Variants in MAP3K2 observed in about 807,000 individuals in gnomAD.
MAP3K2 encodes MAP/ERK kinase kinase 2.
In MAP3K2, 24 loss-of-function variants were observed where a neutral mutation model predicts 80.3. The observed-to-expected ratio is 0.30, with a 90% CI of 0.22 to 0.42. The LOEUF (loss-of-function observed/expected upper bound fraction) is 0.42, where lower values mean the gene tolerates loss of function less well. Ranked by LOEUF, MAP3K2 falls within the 10% of genes least tolerant of loss-of-function variation. The pLI, the probability that MAP3K2 is intolerant of heterozygous loss-of-function variation, is 1.00. For missense variants in MAP3K2, 608 were observed against 750.1 expected, an observed-to-expected ratio of 0.81 and a Z score of 2.21; for synonymous variants, 244 against 253.7, an observed-to-expected ratio of 0.96 and a Z score of 0.36.
At chr2:127,369,495 A>C (rs1006345388) in intron 1 of MAP3K2, among the ~76,000 whole-genome samples, 1 of 125,912 alleles carries the variant, frequency 7.9e-6, no homozygotes, top group African/African-American at 2.8e-5. Context: ...AAAAAAAAAA[A>C]CAGCAAATAA....
At chr2:127,348,366 C>T (rs1686634472) in intron 1 of MAP3K2, among the ~76,000 whole-genome samples, 1 of 152,062 alleles carries the variant, frequency 6.6e-6, no homozygotes, top group Non-Finnish European at 1.5e-5. Context: ...CCAGCCTGGA[C>T]AACAGAGTGA....
Position 127,322,341 on chromosome 2 carries a change from A to G in MAP3K2, c.839-89T>C. 2 of 845,020 alleles carry G rather than the reference A, an allele frequency of 2.4e-6. No homozygotes were observed. Among genetic ancestry groups the G allele is most frequent in the Non-Finnish European group, 3.6e-6 (2 of 553,854 alleles). The allele number at this position is 845,020 out of a possible 1,614,324, so 52.3% of individuals were successfully genotyped here. A position where few individuals can be genotyped will look rare whatever the true frequency, so the allele number is the denominator to read the frequency against. On this transcript the variant is annotated intron_variant, in intron 11 of 16. Coordinates refer to ENST00000682094, the MANE Select transcript of MAP3K2 (RefSeq NM_001371910.2). This position sits in a 1 kb window ranked among gnomAD's most constrained non-coding sequence, Gnocchi z 4.2. ...AAAATTTGTAATGTAGAGAATAGAA[A>G]TTTGTCCTGTGACTAGGCTAAGAAA... is the stretch of plus-strand genomic sequence containing the variant.
intron 7 of MAP3K2, among the ~76,000 whole-genome samples, chr2:127,327,035 T>A (rs958519788): frequency 4.6e-5 from 7 of 152,168 alleles, no homozygotes; most frequent in African/African-American, 9.6e-5. Flanking sequence ...CACCATAATA[T>A]TCATTTATAC....
chr2:127,351,997 C>T (rs904722995), intron 1 of MAP3K2, among the ~76,000 whole-genome samples: 1 of 152,038 alleles, frequency 6.6e-6, no homozygotes, highest in Non-Finnish European at 1.5e-5. Flanking sequence ...CCACCTCAGC[C>T]ACCCAAGTAG....
At position 127,301,927 on chromosome 2, in the gene MAP3K2, C is replaced by T. The variant is rs995796458; in HGVS notation, c.*5652G>A. 2.6e-5 allele frequency: 4 copies of T among 152,248 alleles called. No individual in the cohort carries two copies. The highest frequency in any genetic ancestry group is 4.2e-4 in the South Asian group (2 of 4,818). The allele number at this position is 152,248 out of a possible 1,614,324, so 9.4% of individuals were successfully genotyped here. ...AGATGGGAGGCCCTGATACTTCCCA[C>T]ACCTACCATGGCATCCTGTCCAAAC... On this transcript the variant is annotated 3_prime_UTR_variant, in exon 17 of 17. Coordinates refer to ENST00000682094, the MANE Select transcript of MAP3K2 (RefSeq NM_001371910.2).
chr2:127,349,091 T>C (rs1686645508), intron 1 of MAP3K2, among the ~76,000 whole-genome samples: 1 of 152,154 alleles, frequency 6.6e-6, no homozygotes, highest in Non-Finnish European at 1.5e-5. Flanking sequence ...CATTAAGGAA[T>C]TATCAAAGAA....
intron 5 of MAP3K2, among the ~76,000 whole-genome samples, chr2:127,331,763 G>A (rs1164584291): frequency 4.6e-5 from 7 of 152,100 alleles, no homozygotes; most frequent in Admixed American, 6.6e-5. Flanking sequence ...GCACCACCAC[G>A]CGTGGCTAAT....
In MAP3K2 at chr2:127,387,727, G is replaced by A; in HGVS notation, c.-341C>T. On this transcript the variant is annotated 5_prime_UTR_variant, in exon 1 of 17. Coordinates refer to ENST00000682094, the MANE Select transcript of MAP3K2 (RefSeq NM_001371910.2). Reference sequence around the variant, plus strand: ...CTGGCGCTCCTCGGCACTTCTAGCCGCTGCAACCCCGAGGCCCGCGGGAAC... The same window carrying A: ...CTGGCGCTCCTCGGCACTTCTAGCCACTGCAACCCCGAGGCCCGCGGGAAC... The A allele has an allele frequency of 3.0e-6, 3 of 985,146 alleles. No individual in the cohort carries two copies. Among genetic ancestry groups the A allele is most frequent in the Non-Finnish European group, 3.6e-6 (3 of 829,808 alleles). The allele number at this position is 985,146 out of a possible 1,614,324, so 61.0% of individuals were successfully genotyped here.
intron 3 of MAP3K2, 135 bp downstream of exon 3, chr2:127,338,797 A>G (rs1686423269): frequency 1.6e-6 from 1 of 637,136 alleles, no homozygotes; most frequent in South Asian, 2.2e-5. Flanking sequence ...ACACTCTTAC[A>G]CGAAAATGTG....
intron 1 of MAP3K2, among the ~76,000 whole-genome samples, chr2:127,375,399 A>AT (rs1687133045): frequency 6.8e-6 from 1 of 148,140 alleles, no homozygotes; most frequent in Non-Finnish European, 1.5e-5. Context: ...ATGCTTTATT[A>AT]TTATTTATTT....
chr2:127,336,002 T>C (rs753934291), intron 4 of MAP3K2, 33 bp from the exon 5 acceptor site: 41 of 1,287,086 alleles, frequency 3.2e-5, no homozygotes, highest in Non-Finnish European at 4.5e-5. Context: ...TTTTATTTTC[T>C]TAGGCAAAGT....
chr2:127,360,534 CAT>C (rs1443922271), intron 1 of MAP3K2, among the ~76,000 whole-genome samples: 8 of 152,260 alleles, frequency 5.3e-5, no homozygotes, highest in South Asian at 2.1e-4. Flanking sequence ...CAGTTATACA[CAT>C]ATGTCAAAAT....
chr2:127,384,288 A>T (rs985597433), intron 1 of MAP3K2, among the ~76,000 whole-genome samples: 1 of 151,914 alleles, frequency 6.6e-6, no homozygotes, highest in African/African-American at 2.4e-5. Flanking sequence ...TATTGTAAAC[A>T]TAACTTTATA....
At chr2:127,377,401 T>TTA (rs1558991668) in intron 1 of MAP3K2, among the ~76,000 whole-genome samples, 1 of 151,606 alleles carries the variant, frequency 6.6e-6, no homozygotes, top group Non-Finnish European at 1.5e-5. Flanking sequence ...TTTTTTTTTT[T>TTA]AAACTACATT....
chr2:127,388,431 A>G (rs1687426692), upstream of MAP3K2: 2 of 985,100 alleles, frequency 2.0e-6, no homozygotes, highest in African/African-American at 3.5e-5. Flanking sequence ...TTGTGGCTCA[A>G]GTTTCAGAAT....
At chr2:127,344,488 CAA>C (rs10611311) in intron 1 of MAP3K2, among the ~76,000 whole-genome samples, 66,918 of 129,048 alleles carry the variant, frequency 0.52, 16,646 homozygotes, top group East Asian at 0.73. Context: ...CCATTTCCAC[CAA>C]AAAAAAAAAA....
In MAP3K2 at chr2:127,356,481, CAT is replaced by C. The variant is rs370775873; in HGVS notation, c.-65-13289_-65-13288del. Among the ~76,000 whole-genome samples, 21 of 152,184 alleles carry C rather than the reference CAT, an allele frequency of 1.4e-4. No homozygotes were observed. The East Asian group carries it at 2.7e-3, about 20-fold the overall frequency. ...TATTGCTAAAAAAAATGCTTAAAAA[CAT>C]GTGAGCCTGGCTTAGGCTAATTTTT... On this transcript the variant is annotated intron_variant, in intron 1 of 16. Coordinates refer to ENST00000682094, the MANE Select transcript of MAP3K2 (RefSeq NM_001371910.2).
chr2:127,357,535 A>T (rs1389548687), intron 1 of MAP3K2, among the ~76,000 whole-genome samples: 1 of 152,240 alleles, frequency 6.6e-6, no homozygotes. Flanking sequence ...AAGGACCTAG[A>T]AATTCTAAAA....
intron 11 of MAP3K2, 34 bp downstream of exon 11, chr2:127,323,868 A>T: frequency 9.5e-7 from 1 of 1,054,198 alleles, no homozygotes; most frequent in Non-Finnish European, 1.4e-6. Flanking sequence ...GAGATTTTTT[A>T]ACTATTCTTG....
Sources: allele counts gnomAD v4.1 joint callset (sites outside exome capture counted in the v4.1 genomes callset), GRCh38; gene constraint gnomAD v4.1.1; non-coding constraint Gnocchi (gnomAD v3.1); transcripts MANE v1.5; gene names NCBI Gene and HGNC (gene_info 2026-07-23, HGNC 2026-07-21).